The following UBTD2 variants were observed in gnomAD, a reference collection of about 807,000 sequenced individuals.
UBTD2 encodes ubiquitin domain-containing protein 2.
In UBTD2, 9 loss-of-function variants were observed where a neutral mutation model predicts 19.8. That is an observed-to-expected ratio of 0.46 (90% CI 0.27 to 0.79). UBTD2 has a LOEUF of 0.79. UBTD2 is among the 30% of genes least tolerant of loss of function. The pLI, the probability that UBTD2 is intolerant of heterozygous loss-of-function variation, is 0.14. For synonymous variants in UBTD2, 98 were observed against 103.9 expected (o/e 0.94, Z 0.35); for missense variants, 250 against 300.4 (o/e 0.83, Z 1.24).
chr5:172,245,532 T>C (rs1013082289), intron 1 of UBTD2, among the ~76,000 whole-genome samples: 2 of 152,004 alleles, frequency 1.3e-5, no homozygotes, highest in Non-Finnish European at 2.9e-5. Flanking sequence ...GGCAACATGG[T>C]GAAACCTCAC....
intron 1 of UBTD2, among the ~76,000 whole-genome samples, chr5:172,258,350 G>A (rs566567456): frequency 6.0e-4 from 91 of 152,144 alleles, no homozygotes; most frequent in Non-Finnish European, 1.1e-3. Flanking sequence ...TGTTCTATGT[G>A]TCTGTTTTTG....
At chr5:172,227,120 T>TGTAGAA in intron 2 of UBTD2, among the ~76,000 whole-genome samples, 1 of 152,160 alleles carries the variant, frequency 6.6e-6, no homozygotes, top group South Asian at 2.1e-4. Flanking sequence ...TGGTATAACA[T>TGTAGAA]ACTCCCTGGG....
chr5:172,255,091 G>C, intron 1 of UBTD2: 1 of 490,160 alleles, frequency 2.0e-6, no homozygotes, highest in South Asian at 1.7e-5. Flanking sequence ...ACGTCAAAAG[G>C]CTGCCAGCCT....
chr5:172,233,800 C>A (rs1771953809), intron 2 of UBTD2, among the ~76,000 whole-genome samples: 1 of 25,364 alleles, frequency 3.9e-5, no homozygotes, highest in Non-Finnish European at 7.2e-5. Flanking sequence ...GGTGATGAGG[C>A]TGGTGAGGTG....
Position 172,212,028 on chromosome 5 carries a change from G to A in UBTD2, c.507C>T (p.Arg169=), listed in dbSNP as rs145414052. The change falls in exon 3 of 3, where the codon CGC becomes CGT. Residue 169 remains arginine, a synonymous_variant. Coordinates refer to ENST00000393792, the MANE Select transcript of UBTD2 (RefSeq NM_152277.3). ...STGKDLKLVV[R]STDTVFHMKR... Reference sequence around the variant, plus strand: ...TCATGTGGAATACTGTGTCTGTGCTGCGAACCACAAGCTTGAGGTCTTTGC... The same window carrying A: ...TCATGTGGAATACTGTGTCTGTGCTACGAACCACAAGCTTGAGGTCTTTGC... 3.0e-5 allele frequency: 48 copies of A among 1,614,106 alleles called. No homozygotes were observed. The highest frequency in any genetic ancestry group is 4.0e-5 in the African/African-American group (3 of 74,932).
At chr5:172,243,512 C>T (rs1252978915) in intron 1 of UBTD2, among the ~76,000 whole-genome samples, 9 of 149,382 alleles carry the variant, frequency 6.0e-5, no homozygotes, top group Non-Finnish European at 1.2e-4. Context: ...AATCAGCTGG[C>T]ACCTTGACTC....
In UBTD2 at chr5:172,273,963, T is replaced by C. The variant is rs138987457; in HGVS notation, c.70+9633A>G. Reference sequence around the variant, plus strand: ...ATTTGCTGCCTTCTGCTTTGTATCATGTAAATGTCCTAAAAGTCTCTTGCC... The same window carrying C: ...ATTTGCTGCCTTCTGCTTTGTATCACGTAAATGTCCTAAAAGTCTCTTGCC... On this transcript the variant is annotated intron_variant, in intron 1 of 2. Coordinates refer to ENST00000393792, the MANE Select transcript of UBTD2 (RefSeq NM_152277.3). Among the ~76,000 whole-genome samples, 306 of 152,118 alleles carry C rather than the reference T, an allele frequency of 2.0e-3. 2 individuals are homozygous for C. Among genetic ancestry groups the C allele is most frequent in the South Asian group, 4.6e-3 (22 of 4,814 alleles).
chr5:172,271,647 G>A (rs940053043), intron 1 of UBTD2, among the ~76,000 whole-genome samples: 2 of 152,112 alleles, frequency 1.3e-5, no homozygotes, highest in Admixed American at 6.6e-5. Context: ...TACAGCTAGC[G>A]TCAAGTGCTG....
intron 1 of UBTD2, among the ~76,000 whole-genome samples, chr5:172,282,959 G>A (rs901940404): frequency 1.3e-5 from 2 of 152,100 alleles, no homozygotes; most frequent in African/African-American, 4.8e-5. Flanking sequence ...CAGCACACCG[G>A]CCTAACACCC....
intron 1 of UBTD2, among the ~76,000 whole-genome samples, chr5:172,248,919 C>T (rs1014904538): frequency 2.0e-5 from 3 of 151,210 alleles, no homozygotes; most frequent in African/African-American, 7.3e-5. Context: ...GCCTGGGTCA[C>T]GGAGAGAGGG....
chr5:172,263,148 C>A (rs564100596), intron 1 of UBTD2, among the ~76,000 whole-genome samples: 24 of 152,202 alleles, frequency 1.6e-4, no homozygotes, highest in Non-Finnish European at 3.4e-4. Context: ...CCAGGCTGGT[C>A]TTGAACTCCT....
intron 2 of UBTD2, among the ~76,000 whole-genome samples, chr5:172,221,729 G>A (rs1771655791): frequency 6.6e-6 from 1 of 152,100 alleles, no homozygotes; most frequent in African/African-American, 2.4e-5. Flanking sequence ...GAACACAGAG[G>A]ATTTTTTAGG....
chr5:172,231,472 G>A lies in UBTD2; in HGVS notation c.307+2650C>T, dbSNP rs115611013. 3.2e-3 allele frequency among the ~76,000 whole-genome samples: 488 copies of A among 152,232 alleles called. 2 individuals carry two copies. The highest frequency in any genetic ancestry group is 0.011 in the African/African-American group (465 of 41,538). On this transcript the variant is annotated intron_variant, in intron 2 of 2. Coordinates refer to ENST00000393792, the MANE Select transcript of UBTD2 (RefSeq NM_152277.3). ...TGATCTGCTGGTAGGCAGGGCTGCCGGGAACATTTTCCACAGAGAAGCAGA... is the reference window on the plus strand; with the variant it reads ...TGATCTGCTGGTAGGCAGGGCTGCCAGGAACATTTTCCACAGAGAAGCAGA...
chr5:172,244,302 T>G lies in UBTD2; in HGVS notation c.71-9944A>C, dbSNP rs1232854788. 6.0e-5 allele frequency among the ~76,000 whole-genome samples: 9 copies of G among 149,940 alleles called. 1 individual carries two copies. Among genetic ancestry groups the G allele is most frequent in the Non-Finnish European group, 1.3e-4 (9 of 67,450 alleles). On this transcript the variant is annotated intron_variant, in intron 1 of 2. Coordinates refer to ENST00000393792, the MANE Select transcript of UBTD2 (RefSeq NM_152277.3). ...GTTTCCCCTTTCCTCCCAGTTTTTT[T>G]TTTTTTTTTTTGAGACAGAGTTTTG...
Position 172,244,297 on chromosome 5 carries a change from T to TTGTTTTTG in UBTD2, c.71-9940_71-9939insCAAAAACA, listed in dbSNP as rs1554128677. Among the ~76,000 whole-genome samples, 13 of 125,402 alleles carry TTGTTTTTG rather than the reference T, an allele frequency of 1.0e-4. No individual in the cohort carries two copies. The South Asian group carries it at 3.8e-3, about 37-fold the overall frequency. The allele number at this position is 125,402 out of a possible 152,430, so 82.3% of individuals were successfully genotyped here. On this transcript the variant is annotated intron_variant, in intron 1 of 2. Coordinates refer to ENST00000393792, the MANE Select transcript of UBTD2 (RefSeq NM_152277.3). ...AGACTGTTTCCCCTTTCCTCCCAGTTTTTTTTTTTTTTTTTTGAGACAGAG... is the reference window on the plus strand; with the variant it reads ...AGACTGTTTCCCCTTTCCTCCCAGTTTGTTTTTGTTTTTTTTTTTTTTTTGAGACAGAG...
At chr5:172,241,491 G>C (rs1772126035) in intron 1 of UBTD2, among the ~76,000 whole-genome samples, 1 of 150,102 alleles carries the variant, frequency 6.7e-6, no homozygotes, top group South Asian at 2.1e-4. Flanking sequence ...TGCAGAATGA[G>C]ACAGAATAAA....
chr5:172,256,975 A>G (rs895911587), intron 1 of UBTD2, among the ~76,000 whole-genome samples: 2 of 152,064 alleles, frequency 1.3e-5, no homozygotes, highest in African/African-American at 4.8e-5. Context: ...TTCTTGATGA[A>G]TTCTTTTTTT....
At chr5:172,227,252 T>C (rs896888080) in intron 2 of UBTD2, among the ~76,000 whole-genome samples, 20 of 152,214 alleles carry the variant, frequency 1.3e-4, no homozygotes, top group Non-Finnish European at 1.5e-5. Context: ...TTTGCAGGCC[T>C]TTATTGCTCT....
chr5:172,249,403 A>AG (rs1754945439), intron 1 of UBTD2, among the ~76,000 whole-genome samples: 2 of 5,198 alleles, frequency 3.8e-4, no homozygotes, highest in African/African-American at 7.3e-4. Context: ...CGTCTCATGA[A>AG]AAAAAAAAAA....
Sources: allele counts gnomAD v4.1 joint callset (sites outside exome capture counted in the v4.1 genomes callset), GRCh38; gene constraint gnomAD v4.1.1; transcripts MANE v1.5; gene names NCBI Gene and HGNC (gene_info 2026-07-23, HGNC 2026-07-21).